Variants in NPAS3 observed in about 807,000 individuals in gnomAD.
NPAS3 encodes the protein neuronal PAS domain protein 3.
In NPAS3, 14 loss-of-function variants were observed where a neutral mutation model predicts 73.1. The observed-to-expected ratio is 0.19, with a 90% confidence interval of 0.13 to 0.30. NPAS3 has a LOEUF of 0.30. Ranked by LOEUF, NPAS3 falls within the 10% of genes least tolerant of loss-of-function variation. NPAS3 has a pLI of 1.00. For synonymous variants in NPAS3, 620 were observed against 541.5 expected (o/e 1.14, Z -2.01); for missense variants, 1,096 against 1,250.0 (o/e 0.88, Z 1.86).
At chr14:33,064,970 TC>T (rs67627806) in intron 2 of NPAS3, among the ~76,000 whole-genome samples, 9,040 of 152,254 alleles carry the variant, frequency 0.059, 373 homozygotes, top group Non-Finnish European at 0.091. Flanking sequence ...AGCTACATGG[TC>T]AGTTTCCATA....
chr14:33,626,123 T>G (rs1438331783), intron 5 of NPAS3, among the ~76,000 whole-genome samples: 2 of 152,238 alleles, frequency 1.3e-5, no homozygotes, highest in Non-Finnish European at 2.9e-5. Context: ...AGGATCTTTC[T>G]GGCAGTGCTT....
rs2058335259 is a variant in NPAS3, at chr14:33,630,041, A to G, written c.559-46170A>G. On this transcript the variant is annotated intron_variant, in intron 5 of 11. Coordinates refer to ENST00000356141, the Ensembl canonical transcript of NPAS3. ...AATTCTCATCAGTGCTGCTGTGTTCAGCCATAACCTTGAACTATGCCTGGC... is the reference window on the plus strand; with the variant it reads ...AATTCTCATCAGTGCTGCTGTGTTCGGCCATAACCTTGAACTATGCCTGGC... Among the ~76,000 whole-genome samples, 3 of 152,216 alleles carry G rather than the reference A, an allele frequency of 2.0e-5. No individual in the cohort carries two copies. The South Asian group carries it at 6.2e-4, about 31-fold the overall frequency.
intron 3 of NPAS3, among the ~76,000 whole-genome samples, chr14:33,235,805 C>CT (rs35968798): frequency 0.31 from 24,457 of 79,848 alleles, 6,147 homozygotes; most frequent in African/African-American, 0.39. Context: ...TGATACAATT[C>CT]TTTTTTTTTT....
rs1555350930 is a variant in NPAS3, at chr14:33,180,799, C to CAAAAAAAAAAAAAAAAAAAAAA, written c.141-34381_141-34380insAAAAAAAAAAAAAAAAAAAAAA. ...GGGCGACAGAGCGAGACACTGTCTC[C>CAAAAAAAAAAAAAAAAAAAAAA]AAGAAAAAAAAAAAAAAAAAAAAAA... On this transcript the variant is annotated intron_variant, in intron 2 of 11. Coordinates refer to ENST00000356141, the Ensembl canonical transcript of NPAS3. Among the ~76,000 whole-genome samples, 2 of 69,346 alleles carry CAAAAAAAAAAAAAAAAAAAAAA rather than the reference C, an allele frequency of 2.9e-5. 1 individual carries two copies. The allele number at this position is 69,346 out of a possible 152,430, so 45.5% of individuals were successfully genotyped here. A position where few individuals can be genotyped will look rare whatever the true frequency, so the allele number is the denominator to read the frequency against.
chr14:33,583,010 A>AAG (rs1243201672), intron 5 of NPAS3, among the ~76,000 whole-genome samples: 1 of 65,380 alleles, frequency 1.5e-5, no homozygotes, highest in South Asian at 4.2e-4. Context: ...TTAGTACTAG[A>AAG]AGATATGCTG....
At chr14:33,008,670 GT>G (rs1200648769) in intron 1 of NPAS3, among the ~76,000 whole-genome samples, 3 of 152,138 alleles carry the variant, frequency 2.0e-5, no homozygotes, top group Non-Finnish European at 4.4e-5. Context: ...AATTTTGAGG[GT>G]TTTATAGGAA....
intron 4 of NPAS3, among the ~76,000 whole-genome samples, chr14:33,406,751 G>A (rs1038279783): frequency 2.0e-5 from 3 of 152,134 alleles, no homozygotes; most frequent in East Asian, 1.9e-4. Flanking sequence ...CTGGGGTGGG[G>A]AGAGTAGAGA....
chr14:33,738,731 C>T (rs890319442), intron 7 of NPAS3, among the ~76,000 whole-genome samples: 8 of 152,150 alleles, frequency 5.3e-5, no homozygotes, highest in Admixed American at 1.3e-4. Flanking sequence ...GCATGTTATC[C>T]GGACCAGCCA....
At chr14:33,092,530 A>C (rs1296586302) in intron 2 of NPAS3, among the ~76,000 whole-genome samples, 1 of 152,224 alleles carries the variant, frequency 6.6e-6, no homozygotes, top group Admixed American at 6.5e-5. Context: ...TATTGTGAAA[A>C]TGGCCATACT....
At chr14:33,612,669 T>C (rs1051162280) in intron 5 of NPAS3, 2 of 357,922 alleles carry the variant, frequency 5.6e-6, no homozygotes, top group African/African-American at 2.1e-5. Context: ...ATGTTCTTAA[T>C]TGTAAAGAGC....
intron 6 of NPAS3, among the ~76,000 whole-genome samples, chr14:33,726,509 A>C (rs529828857): frequency 3.3e-5 from 5 of 152,254 alleles, no homozygotes; most frequent in African/African-American, 9.6e-5. Context: ...CTTCACCCAG[A>C]CGTCCATGAC....
At position 33,125,564 on chromosome 14, in the gene NPAS3, T is replaced by C. The variant is rs185398947; in HGVS notation, c.140+69570T>C. Among the ~76,000 whole-genome samples the C allele has an allele frequency of 2.0e-4, 31 of 152,270 alleles. No homozygotes were observed. In the East Asian group the frequency reaches 5.4e-3, roughly 27 times the overall value. ...GAGGACGTTACTCACCTCTGAACTT[T>C]ATCGAGAACTGATGATTCCATAGAA... On this transcript the variant is annotated intron_variant, in intron 2 of 11. Coordinates refer to ENST00000356141, the Ensembl canonical transcript of NPAS3.
At chr14:33,352,962 C>A (rs1364157473) in intron 3 of NPAS3, among the ~76,000 whole-genome samples, 1 of 152,062 alleles carries the variant, frequency 6.6e-6, no homozygotes, top group Non-Finnish European at 1.5e-5. Context: ...AACCTCAAAG[C>A]AGACTGTCTC....
At chr14:33,465,934 A>G (rs2050498679) in intron 4 of NPAS3, among the ~76,000 whole-genome samples, 1 of 152,198 alleles carries the variant, frequency 6.6e-6, no homozygotes, top group Non-Finnish European at 1.5e-5. Context: ...AGTATCTACA[A>G]TAAGCAAATT....
At chr14:33,196,336 C>T (rs2046350795) in intron 2 of NPAS3, among the ~76,000 whole-genome samples, 1 of 152,192 alleles carries the variant, frequency 6.6e-6, no homozygotes, top group African/African-American at 2.4e-5. Flanking sequence ...ATAGCATGAA[C>T]GGCAAAGATG....
At chr14:33,123,070 T>C (rs943476109) in intron 2 of NPAS3, among the ~76,000 whole-genome samples, 21 of 151,732 alleles carry the variant, frequency 1.4e-4, no homozygotes, top group Non-Finnish European at 2.9e-4. Flanking sequence ...AACAAAGATA[T>C]ACCTTTTAAA....
At chr14:33,653,659 A>G (rs2059063475) in intron 5 of NPAS3, among the ~76,000 whole-genome samples, 1 of 152,204 alleles carries the variant, frequency 6.6e-6, no homozygotes, top group Non-Finnish European at 1.5e-5. Flanking sequence ...TTCAGTTCAG[A>G]GGGTCGTTGA....
intron 2 of NPAS3, among the ~76,000 whole-genome samples, chr14:33,201,672 G>A (rs1210264843): frequency 6.6e-6 from 1 of 152,196 alleles, no homozygotes; most frequent in Non-Finnish European, 1.5e-5. Context: ...AGGGGGAAAT[G>A]TTCAATCATG....
chr14:33,602,147 A>C (rs1306530986), intron 5 of NPAS3, among the ~76,000 whole-genome samples: 1 of 152,192 alleles, frequency 6.6e-6, no homozygotes, highest in African/African-American at 2.4e-5. Flanking sequence ...CAGAGTGAAA[A>C]TTCTAGAAAT....
Sources: gnomAD v4.1 joint callset for allele counts (sites outside exome capture counted in the v4.1 genomes callset) on GRCh38, gnomAD v4.1.1 for gene constraint, MANE v1.5 for transcripts, NCBI Gene and HGNC (gene_info 2026-07-23, HGNC 2026-07-21) for gene names.